PEAR1: variants seen among roughly 807,000 people sequenced by gnomAD.
PEAR1 encodes the protein multiple EGF-like domains protein 12.
A neutral mutation model predicts 131.2 loss-of-function variants in PEAR1; 113 were observed. The observed-to-expected ratio is 0.86, with a 90% CI of 0.74 to 1.01. PEAR1 has a LOEUF of 1.01. PEAR1 is among the 50% of genes least tolerant of loss of function. The pLI is 0.00. For synonymous variants in PEAR1, 565 were observed against 523.3 expected (o/e 1.08, Z -1.09); for missense variants, 1,408 against 1,391.1 (o/e 1.01, Z -0.19).
At chr1:156,909,187 T>G in intron 11 of PEAR1, 151 bp downstream of exon 11, 1 of 1,077,536 alleles carries the variant, frequency 9.3e-7, no homozygotes. Flanking sequence ...GTATCCAGGC[T>G]ACTTTCTTCC....
Position 156,913,302 on chromosome 1 carries a change from G to T in PEAR1, c.2511+20G>T. The stretch of plus-strand genomic sequence containing the variant: ...AACAAGGTCAGTGCCGGGGGAGGGG[G>T]TGCACTGTGGAGGGAAGCGCACAGA... On this transcript the variant is annotated intron_variant, in intron 19 of 22. Coordinates refer to ENST00000292357, the MANE Select transcript of PEAR1 (RefSeq NM_001080471.3). The T allele has an allele frequency of 6.3e-7, 1 of 1,598,454 alleles. No individual in the cohort carries two copies. The highest frequency in any genetic ancestry group is 8.5e-7 in the Non-Finnish European group (1 of 1,171,972).
At chr1:156,909,460 A>C (rs1253610672) in intron 11 of PEAR1, among the ~76,000 whole-genome samples, 1 of 152,184 alleles carries the variant, frequency 6.6e-6, no homozygotes, top group Admixed American at 6.5e-5. Flanking sequence ...CATCCTCTGT[A>C]TAAGTCATTT....
In PEAR1 at chr1:156,908,903, C is replaced by T. The variant is rs1426092659; in HGVS notation, c.1291-13C>T. Reference sequence around the variant, plus strand: ...GAATGGGCCGCCCCTCTCACCCGCTCACCCTCTTTCAGGGCCCTCACTGTG... The same window carrying T: ...GAATGGGCCGCCCCTCTCACCCGCTTACCCTCTTTCAGGGCCCTCACTGTG... On this transcript the variant is annotated splice_polypyrimidine_tract_variant and intron_variant, in intron 10 of 22. Transcript: ENST00000292357. This position sits in a 1 kb window ranked among gnomAD's most constrained non-coding sequence, Gnocchi z 4.2. 4 of 1,612,536 alleles carry T rather than the reference C, an allele frequency of 2.5e-6. No individual in the cohort carries two copies. The South Asian group carries it at 4.4e-5, about 18-fold the overall frequency.
In PEAR1 at chr1:156,905,114, T is replaced by G. The variant is rs1314989010; in HGVS notation, c.207-210T>G. Reference sequence around the variant, plus strand: ...GGGGCAAGAAGGGAATGCTCTTTCTTTTTTTAATAGACAAGGTCTCGCTCT... The same window carrying G: ...GGGGCAAGAAGGGAATGCTCTTTCTGTTTTTAATAGACAAGGTCTCGCTCT... On this transcript the variant is annotated intron_variant, in intron 3 of 22. Coordinates refer to ENST00000292357, the MANE Select transcript of PEAR1 (RefSeq NM_001080471.3). 3 of 1,277,344 alleles carry G rather than the reference T, an allele frequency of 2.3e-6. No homozygotes were observed. In the East Asian group the frequency reaches 7.6e-5, roughly 32 times the overall value. The allele number at this position is 1,277,344 out of a possible 1,614,324, so 79.1% of individuals were successfully genotyped here.
At chr1:156,900,889 T>C (rs1038197411) in intron 1 of PEAR1, among the ~76,000 whole-genome samples, 21 of 152,046 alleles carry the variant, frequency 1.4e-4, no homozygotes, top group Admixed American at 9.8e-4. Context: ...CTCTTGGGTA[T>C]ATGCAATGGG....
chr1:156,907,878 G>A (rs777774628), intron 7 of PEAR1, 37 bp from the exon 8 acceptor site: 69 of 1,595,250 alleles, frequency 4.3e-5, no homozygotes, highest in Non-Finnish European at 5.8e-5. Context: ...GGAGGAGGCT[G>A]GGTGCCTGGG....
intron 3 of PEAR1, 123 bp from the exon 4 acceptor site, chr1:156,905,201 C>A (rs12048392): frequency 1.3e-4 from 152 of 1,139,084 alleles, no homozygotes; most frequent in Non-Finnish European, 1.8e-4. Flanking sequence ...ACAGGGAATG[C>A]GCTTTCTATG....
chr1:156,906,407 C>T, intron 5 of PEAR1, 39 bp downstream of exon 5: 1 of 1,607,970 alleles, frequency 6.2e-7, no homozygotes, highest in Non-Finnish European at 8.5e-7. Context: ...CCTCTTGTGC[C>T]TTCAGGGCCA....
intron 15 of PEAR1, 76 bp downstream of exon 15, chr1:156,910,819 C>G: frequency 1.3e-6 from 2 of 1,583,062 alleles, no homozygotes; most frequent in Non-Finnish European, 1.7e-6. Flanking sequence ...CTCTGTCCCC[C>G]AGCTCCTGGG....
rs374669177 is a variant in PEAR1, at chr1:156,913,439, G to T, written c.2560G>T (p.Gly854Trp). The T allele has an allele frequency of 5.9e-5, 96 of 1,613,852 alleles. No individual in the cohort carries two copies. The East Asian group carries it at 2.1e-3, about 35-fold the overall frequency. The change falls in exon 20 of 23, where the codon GGG becomes TGG. Residue 854 changes from glycine (G) to tryptophan (W), a missense_variant. Physicochemically the swap from Gly to Trp is radical, Grantham distance 184. Coordinates refer to ENST00000292357, the MANE Select transcript of PEAR1 (RefSeq NM_001080471.3). Reference protein sequence around the residue: ...ASLQNPERPGGAQGHDNHTTL... With the variant: ...ASLQNPERPGWAQGHDNHTTL... ...CCTGCAGAACCCTGAGCGGCCAGGTGGGGCCCAAGGGCATGATAACCACAC... is the reference window on the plus strand; with the variant it reads ...CCTGCAGAACCCTGAGCGGCCAGGTTGGGCCCAAGGGCATGATAACCACAC...
chr1:156,905,547 C>T, intron 4 of PEAR1, 123 bp downstream of exon 4: 2 of 818,168 alleles, frequency 2.4e-6, no homozygotes, highest in South Asian at 3.7e-5. Flanking sequence ...TTTTGGGTTC[C>T]CCCCTCCTCT....
chr1:156,904,571 G>A (rs1650020989), intron 2 of PEAR1, among the ~76,000 whole-genome samples, 177 bp from the exon 3 acceptor site: 3 of 152,186 alleles, frequency 2.0e-5, no homozygotes, highest in Admixed American at 1.3e-4. Context: ...AGTTCTGGGA[G>A]AAGCCTCCAG....
In PEAR1 at chr1:156,915,393, T is replaced by G. The variant is rs1651770502; in HGVS notation, c.*595T>G. The G allele has an allele frequency of 6.6e-6, 1 of 152,260 alleles. No homozygotes were observed. The highest frequency in any genetic ancestry group is 2.1e-4 in the South Asian group (1 of 4,834). The allele number at this position is 152,260 out of a possible 1,614,324, so 9.4% of individuals were successfully genotyped here. ...CCAGTATCAAAACTTTTGAAGGCCT[T>G]AAAGGCCCTGCTTTGCCTGGCCCAT... On this transcript the variant is annotated 3_prime_UTR_variant, in exon 23 of 23. Transcript: ENST00000292357.
intron 3 of PEAR1, 66 bp downstream of exon 3, chr1:156,904,918 G>GC (rs1558129261): frequency 6.2e-7 from 1 of 1,603,900 alleles, no homozygotes; most frequent in Non-Finnish European, 8.5e-7. Flanking sequence ...CTGGCCCCTG[G>GC]CCCTCTGTAC....
chr1:156,907,935 C>T lies in PEAR1; in HGVS notation c.786C>T (p.Pro262=), dbSNP rs1349904100. Residue 262 remains proline, a synonymous_variant, in exon 8 of 23, where the codon CCC becomes CCT. Coordinates refer to ENST00000292357, the MANE Select transcript of PEAR1 (RefSeq NM_001080471.3). ...PGWMGTICSL[P]CPEGFHGPNC... is the part of the protein sequence containing the mutation. The stretch of plus-strand genomic sequence containing the variant: ...CACAGGGCACCATCTGCTCCCTGCC[C>T]TGCCCAGAGGGCTTTCACGGACCCA... The T allele has an allele frequency of 6.3e-7, 1 of 1,591,542 alleles. No homozygotes were observed. Among genetic ancestry groups the T allele is most frequent in the African/African-American group, 1.3e-5 (1 of 74,546 alleles).
rs761434271 is a variant in PEAR1, at chr1:156,907,959, C to A, written c.810C>A (p.Pro270=). 1.3e-6 allele frequency: 2 copies of A among 1,584,158 alleles called. No homozygotes were observed. The highest frequency in any genetic ancestry group is 8.6e-7 in the Non-Finnish European group (1 of 1,164,220). Residue 270 remains proline, a synonymous_variant, in exon 8 of 23, where the codon CCC becomes CCA. Coordinates refer to ENST00000292357, the MANE Select transcript of PEAR1 (RefSeq NM_001080471.3). ...CCTGCCCAGAGGGCTTTCACGGACC[C>A]AACTGCTCCCAGGAATGTCGCTGCC... ...SLPCPEGFHG[P]NCSQECRCHN...
intron 4 of PEAR1, 106 bp downstream of exon 4, chr1:156,905,530 T>A: frequency 9.6e-7 from 1 of 1,043,188 alleles, no homozygotes; most frequent in African/African-American, 1.6e-5. Flanking sequence ...GGGTTACTCC[T>A]CTGCCCTTTT....
chr1:156,901,848 C>T (rs1649713372), intron 1 of PEAR1, among the ~76,000 whole-genome samples: 1 of 141,356 alleles, frequency 7.1e-6, no homozygotes. Context: ...GGCATTGGGC[C>T]TGGGAAGATG....
At chr1:156,899,131 G>A (rs544766710) in intron 1 of PEAR1, among the ~76,000 whole-genome samples, 51 of 152,278 alleles carry the variant, frequency 3.3e-4, no homozygotes, top group Non-Finnish European at 6.3e-4. Context: ...GAGAGATGGC[G>A]GGGAGTGCTA....
Sources: allele counts gnomAD v4.1 joint callset (sites outside exome capture counted in the v4.1 genomes callset), GRCh38; gene constraint gnomAD v4.1.1; non-coding constraint Gnocchi (gnomAD v3.1); transcripts MANE v1.5; gene names NCBI Gene and HGNC (gene_info 2026-07-23, HGNC 2026-07-21).